EXT1: variants seen among roughly 807,000 people sequenced by gnomAD.
EXT1 encodes the protein exostosin glycosyltransferase 1.
EXT1 carries 20 observed loss-of-function variants against 82.5 expected under a neutral mutation model. That is an observed-to-expected ratio of 0.24 (90% CI 0.17 to 0.35). EXT1 has a LOEUF of 0.35. Ranked by LOEUF, EXT1 falls within the 10% of genes least tolerant of loss-of-function variation. EXT1 has a pLI of 1.00. For synonymous variants in EXT1, 348 were observed against 350.8 expected (o/e 0.99, Z 0.09); for missense variants, 757 against 936.5 (o/e 0.81, Z 2.50).
At chr8:117,838,442 A>T (rs1234119142) in intron 1 of EXT1, among the ~76,000 whole-genome samples, 1 of 152,212 alleles carries the variant, frequency 6.6e-6, no homozygotes, top group Admixed American at 6.5e-5. Flanking sequence ...CCCGCCATTA[A>T]GAAGAGACAT....
chr8:117,863,280 T>G (rs1478512603), intron 1 of EXT1, among the ~76,000 whole-genome samples: 1 of 113,714 alleles, frequency 8.8e-6, no homozygotes, highest in Admixed American at 9.4e-5. Context: ...ACAGCTACTA[T>G]GCACTAGAAC....
At chr8:118,013,487 G>A (rs1815943725) in intron 1 of EXT1, among the ~76,000 whole-genome samples, 2 of 152,126 alleles carry the variant, frequency 1.3e-5, no homozygotes, top group Non-Finnish European at 1.5e-5. Flanking sequence ...AGGATTACAG[G>A]CATGAGCCAC....
At chr8:117,914,333 G>A (rs1280011125) in intron 1 of EXT1, among the ~76,000 whole-genome samples, 2 of 152,168 alleles carry the variant, frequency 1.3e-5, no homozygotes, top group Non-Finnish European at 2.9e-5. Context: ...CAGGACCACT[G>A]TGATAATTGT....
At chr8:118,034,857 C>T (rs1247793674) in intron 1 of EXT1, among the ~76,000 whole-genome samples, 1 of 152,182 alleles carries the variant, frequency 6.6e-6, no homozygotes, top group Non-Finnish European at 1.5e-5. Flanking sequence ...CCTACTTGTA[C>T]ACAGAGGGTT....
intron 1 of EXT1, among the ~76,000 whole-genome samples, chr8:117,917,509 G>A (rs899732205): frequency 7.2e-5 from 11 of 151,754 alleles, no homozygotes; most frequent in African/African-American, 2.2e-4. Context: ...ATCCTAACAC[G>A]TCTGCTCCTT....
At chr8:117,875,750 G>A (rs764442796) in intron 1 of EXT1, among the ~76,000 whole-genome samples, 39 of 152,090 alleles carry the variant, frequency 2.6e-4, no homozygotes, top group Non-Finnish European at 4.9e-4. Flanking sequence ...GGACAGAGAA[G>A]AATATAAAGA....
intron 1 of EXT1, among the ~76,000 whole-genome samples, chr8:117,948,930 T>G (rs939078088): frequency 1.3e-5 from 2 of 152,218 alleles, no homozygotes; most frequent in African/African-American, 4.8e-5. Flanking sequence ...TTCTCCTAAT[T>G]TACTGTGTAA....
intron 1 of EXT1, among the ~76,000 whole-genome samples, chr8:118,070,547 C>T (rs543537345): frequency 1.3e-4 from 20 of 152,036 alleles, no homozygotes; most frequent in South Asian, 4.1e-4. Context: ...TAGGGAAAAT[C>T]GGAACTGATC....
intron 1 of EXT1, among the ~76,000 whole-genome samples, chr8:118,077,914 C>T (rs1817240337): frequency 6.6e-6 from 1 of 151,974 alleles, no homozygotes. Context: ...TTTATGAATA[C>T]CAAAATGCTT....
At chr8:118,074,549 G>C (rs1389361193) in intron 1 of EXT1, among the ~76,000 whole-genome samples, 1 of 151,184 alleles carries the variant, frequency 6.6e-6, no homozygotes, top group Non-Finnish European at 1.5e-5. Context: ...TGCCTCGTAG[G>C]GGGCTACGAG....
intron 1 of EXT1, among the ~76,000 whole-genome samples, chr8:117,933,239 T>G (rs1464375369): frequency 1.6e-4 from 2 of 12,134 alleles, no homozygotes; most frequent in African/African-American, 9.4e-4. Context: ...GCTGGGTATT[T>G]TTTTTTTTTT....
chr8:117,978,751 G>T (rs1215454000), intron 1 of EXT1, among the ~76,000 whole-genome samples: 1 of 152,166 alleles, frequency 6.6e-6, no homozygotes, highest in Non-Finnish European at 1.5e-5. Context: ...CTCCACAAAG[G>T]CTAGCTTTGG....
At chr8:117,846,540 T>C (rs1812365029) in intron 1 of EXT1, among the ~76,000 whole-genome samples, 2 of 152,040 alleles carry the variant, frequency 1.3e-5, no homozygotes, top group Non-Finnish European at 2.9e-5. Context: ...AAGGGCTACC[T>C]GAGTACAGTG....
chr8:117,961,844 C>T (rs979869653), intron 1 of EXT1, among the ~76,000 whole-genome samples: 7 of 152,132 alleles, frequency 4.6e-5, no homozygotes, highest in Non-Finnish European at 8.8e-5. Context: ...GTCTAAACAA[C>T]TCCTTTCATG....
chr8:118,090,282 G>A (rs575691863), intron 1 of EXT1, among the ~76,000 whole-genome samples: 1 of 152,250 alleles, frequency 6.6e-6, no homozygotes, highest in East Asian at 1.9e-4. Flanking sequence ...AAAATTAGCA[G>A]GGTGTGGTGG....
intron 1 of EXT1, among the ~76,000 whole-genome samples, chr8:118,102,343 GAAA>G (rs113578490): frequency 2.3e-5 from 3 of 127,716 alleles, no homozygotes; most frequent in Non-Finnish European, 5.1e-5. Flanking sequence ...CCATGGGTTA[GAAA>G]AAAAAAAAAA....
intron 5 of EXT1, among the ~76,000 whole-genome samples, chr8:117,820,516 C>G (rs2129743337): frequency 6.6e-6 from 1 of 152,190 alleles, no homozygotes; most frequent in East Asian, 1.9e-4. Context: ...TGGTGAAATT[C>G]CGTCACTACT....
At chr8:118,064,447 TGTTA>T (rs779312525) in intron 1 of EXT1, among the ~76,000 whole-genome samples, 63 of 152,122 alleles carry the variant, frequency 4.1e-4, no homozygotes, top group Admixed American at 8.5e-4. Flanking sequence ...TCTGTTCCTG[TGTTA>T]GTTTGATGAG....
chr8:117,896,328 C>A (rs1209848156), intron 1 of EXT1, among the ~76,000 whole-genome samples: 1 of 152,202 alleles, frequency 6.6e-6, no homozygotes, highest in Non-Finnish European at 1.5e-5. Context: ...ATATTAATTT[C>A]TAAGCATCTT....
Sources: allele counts gnomAD v4.1 joint callset (sites outside exome capture counted in the v4.1 genomes callset), GRCh38; gene constraint gnomAD v4.1.1; transcripts MANE v1.5; gene names NCBI Gene and HGNC (gene_info 2026-07-23, HGNC 2026-07-21).